RRBP1: variants seen among roughly 807,000 people sequenced by gnomAD.
RRBP1 encodes ribosome-binding protein 1.
In RRBP1, 94 loss-of-function variants were observed where a neutral mutation model predicts 165.2. The ratio of observed to expected loss-of-function variants is 0.57; its 90% CI spans 0.48 to 0.68. The LOEUF is 0.68. Ranked by LOEUF, RRBP1 falls within the 30% of genes least tolerant of loss-of-function variation. The pLI is 0.00. For synonymous variants in RRBP1, 680 were observed against 714.5 expected, an observed-to-expected ratio of 0.95 and a Z score of 0.77; for missense variants, 1,676 against 1,763.0, an observed-to-expected ratio of 0.95 and a Z score of 0.88.
At chr20:17,615,382 C>G in intron 23 of RRBP1, 49 bp downstream of exon 23, 2 of 1,468,006 alleles carry the variant, frequency 1.4e-6, no homozygotes, top group Non-Finnish European at 1.9e-6. Context: ...GTGGCGCCAG[C>G]CCCAGAGCAG....
At position 17,637,293 on chromosome 20, in the gene RRBP1, C is replaced by T. The variant is rs1035334448; in HGVS notation, c.2185-564G>A. Reference sequence around the variant, plus strand: ...TCAGTGCCAGATACCCACAGGTGAACATGGATGCCGAGTCTGGGGGGTCCG... The same window carrying T: ...TCAGTGCCAGATACCCACAGGTGAATATGGATGCCGAGTCTGGGGGGTCCG... On this transcript the variant is annotated intron_variant, in intron 5 of 24. Transcript: ENST00000377813. 8.5e-5 allele frequency among the ~76,000 whole-genome samples: 13 copies of T among 152,300 alleles called. No individual in the cohort carries two copies. The East Asian group carries it at 2.5e-3, about 29-fold the overall frequency.
rs201436985 is a variant in RRBP1 at position 17,621,862 on chromosome 20, G to A, written c.3233C>T (p.Ala1078Val). The change falls in exon 14 of 25, where the codon GCA becomes GTA. Residue 1078 changes from alanine (A) to valine (V), a missense_variant. Ala to Val is a moderately conservative substitution (Grantham distance 64). Coordinates refer to ENST00000377813, the MANE Select transcript of RRBP1 (RefSeq NM_001365613.2). ...ACCACCCTCCCCTCCTACCTGTTGT[G>A]CCAAGACAGAGAGTTCTGGGAGCAG... ...LALLPELSVLAQQNYTEWLQD... is the reference protein window; with the variant it reads ...LALLPELSVLVQQNYTEWLQD... The A allele has an allele frequency of 4.3e-6, 7 of 1,613,772 alleles. No homozygotes were observed. In the East Asian group the frequency reaches 1.3e-4, roughly 31 times the overall value.
intron 18 of RRBP1, among the ~76,000 whole-genome samples, chr20:17,619,996 C>T (rs918221333): frequency 6.6e-6 from 1 of 152,186 alleles, no homozygotes; most frequent in African/African-American, 2.4e-5. Context: ...TCCAGGGCTC[C>T]CTGTGGCGTC....
intron 4 of RRBP1, 53 bp from the exon 5 acceptor site, chr20:17,641,972 T>C: frequency 2.5e-6 from 4 of 1,579,230 alleles, no homozygotes; most frequent in Non-Finnish European, 2.6e-6. Flanking sequence ...ACTTGGCTCA[T>C]CCCCTGACCC....
At chr20:17,661,901 T>G (rs890540611) in intron 2 of RRBP1, among the ~76,000 whole-genome samples, 3 of 152,102 alleles carry the variant, frequency 2.0e-5, no homozygotes, top group African/African-American at 7.2e-5. Context: ...AATTTTGACA[T>G]GAGGGCATTT....
intron 3 of RRBP1, among the ~76,000 whole-genome samples, chr20:17,644,750 G>C (rs2036432685): frequency 6.6e-6 from 1 of 152,150 alleles, no homozygotes; most frequent in African/African-American, 2.4e-5. Flanking sequence ...CTCGAGATGT[G>C]CTATGAGTGG....
chr20:17,619,925 A>G (rs2035876179), intron 18 of RRBP1, 197 bp from the exon 19 acceptor site: 2 of 549,504 alleles, frequency 3.6e-6, no homozygotes, highest in Non-Finnish European at 6.4e-6. Flanking sequence ...GCACCCGGGC[A>G]CTCCTGGGGA....
chr20:17,628,576 TCA>T (rs1296909038), intron 9 of RRBP1, among the ~76,000 whole-genome samples: 3 of 152,120 alleles, frequency 2.0e-5, no homozygotes, highest in Admixed American at 1.3e-4. Context: ...AGCACTTCTG[TCA>T]CACCTTCCAC....
At position 17,660,166 on chromosome 20, in the gene RRBP1, G is replaced by A. The variant is rs1373948007; in HGVS notation, c.342C>T (p.Pro114=). ...AVAVAPTPVQ[P]PIIVAPVATV... is the part of the protein sequence containing the mutation. ...TGGCGACAGGAGCAACGATAATGGGGGGCTGCACTGGGGTTGGAGCCACAG... is the reference window on the plus strand; with the variant it reads ...TGGCGACAGGAGCAACGATAATGGGAGGCTGCACTGGGGTTGGAGCCACAG... Residue 114 remains proline, a synonymous_variant, in exon 3 of 25, where the codon CCC becomes CCT. Coordinates refer to ENST00000377813, the MANE Select transcript of RRBP1 (RefSeq NM_001365613.2). 1 of 1,614,076 alleles carries A rather than the reference G, an allele frequency of 6.2e-7. No individual in the cohort carries two copies. The highest frequency in any genetic ancestry group is 8.5e-7 in the Non-Finnish European group (1 of 1,180,000).
At chr20:17,619,755 G>T (rs755891332) in intron 18 of RRBP1, 27 bp from the exon 19 acceptor site, 2 of 1,519,248 alleles carry the variant, frequency 1.3e-6, no homozygotes, top group South Asian at 2.4e-5. Flanking sequence ...ACACGCACAC[G>T]CATGCGCCAG....
rs147086464 is a variant in RRBP1, at chr20:17,643,084, C to T, written c.1956G>A (p.Thr652=). 80 of 1,614,092 alleles carry T rather than the reference C, an allele frequency of 5.0e-5. 3 individuals are homozygous for T. The African/African-American group carries it at 5.3e-4, about 11-fold the overall frequency. The change falls in exon 4 of 25, where the codon ACG becomes ACA. Residue 652 remains threonine, a synonymous_variant. Transcript: ENST00000377813. This position sits in a 1 kb window ranked among gnomAD's most constrained non-coding sequence, Gnocchi z 4.3. ...CCATGCTCCCAACCGTGGAGACCAGCGTCTTGTAGGGGAGGTAGAGAGGGC... is the reference window on the plus strand; with the variant it reads ...CCATGCTCCCAACCGTGGAGACCAGTGTCTTGTAGGGGAGGTAGAGAGGGC... ...ADGPLYLPYK[T]LVSTVGSMVF... is the part of the protein sequence containing the mutation.
chr20:17,629,501 G>T (rs1600736564), intron 9 of RRBP1, among the ~76,000 whole-genome samples: 1 of 152,120 alleles, frequency 6.6e-6, no homozygotes, highest in Non-Finnish European at 1.5e-5. Context: ...GGGAAGCAGT[G>T]CCTTCCACCC....
chr20:17,641,279 G>A (rs1029685069), intron 5 of RRBP1, among the ~76,000 whole-genome samples: 2 of 152,174 alleles, frequency 1.3e-5, no homozygotes, highest in Admixed American at 6.5e-5. Flanking sequence ...TACGTGCCAC[G>A]CCATCCGCTG....
intron 5 of RRBP1, among the ~76,000 whole-genome samples, chr20:17,639,741 CAATT>C (rs952614386): frequency 1.3e-5 from 2 of 152,004 alleles, no homozygotes; most frequent in African/African-American, 4.8e-5. Context: ...TAAAAATACA[CAATT>C]AGCCGGGTAT....
chr20:17,655,332 A>G (rs1425530022), intron 3 of RRBP1, among the ~76,000 whole-genome samples: 3 of 152,220 alleles, frequency 2.0e-5, no homozygotes, highest in African/African-American at 7.2e-5. Flanking sequence ...TGACTTTTGA[A>G]GAGAAAACTA....
At chr20:17,641,444 C>G (rs1171333093) in intron 5 of RRBP1, 2 of 277,970 alleles carry the variant, frequency 7.2e-6, no homozygotes, top group Non-Finnish European at 1.4e-5. Flanking sequence ...CAGGCACAGC[C>G]CCTAGAAAGC....
Position 17,625,413 on chromosome 20 carries a change from T to TC in RRBP1, c.3054+98dup, listed in dbSNP as rs1600731356. 38 of 1,017,002 alleles carry TC rather than the reference T, an allele frequency of 3.7e-5. No individual in the cohort carries two copies. In the East Asian group the frequency reaches 8.7e-4, roughly 23 times the overall value. The allele number at this position is 1,017,002 out of a possible 1,614,324, so 63.0% of individuals were successfully genotyped here. ...GGGTGTAGAAACACAAGCTCAGCCC[T>TC]CCCCCGAGTCCAGGGCGGGTGCCAC... On this transcript the variant is annotated intron_variant, in intron 12 of 24. Transcript: ENST00000377813.
chr20:17,625,547 T>G lies in RRBP1; in HGVS notation c.3019A>C (p.Arg1007=). ...ACTTTCTGCTGCTCGACGGCCTCCC[T>G]GAGCTCGATGGCCTCCTTCTCCAGA... ...SGLEKEAIEL[R]EAVEQQKVKN... The change falls in exon 12 of 25, where the codon AGG becomes CGG. Residue 1007 remains arginine (R), a synonymous_variant. Transcript: ENST00000377813. The G allele has an allele frequency of 1.2e-5, 20 of 1,613,912 alleles. 1 individual carries two copies. Among genetic ancestry groups the G allele is most frequent in the Non-Finnish European group, 1.7e-5 (20 of 1,179,922 alleles).
At chr20:17,650,732 C>A (rs2036541107) in intron 3 of RRBP1, among the ~76,000 whole-genome samples, 1 of 152,206 alleles carries the variant, frequency 6.6e-6, no homozygotes, top group African/African-American at 2.4e-5. Flanking sequence ...TCAGTCTACG[C>A]CCACACTGTA....
Sources: gnomAD v4.1 joint callset for allele counts (sites outside exome capture counted in the v4.1 genomes callset) on GRCh38, gnomAD v4.1.1 for gene constraint, Gnocchi (gnomAD v3.1) non-coding constraint, MANE v1.5 for transcripts, NCBI Gene and HGNC (gene_info 2026-07-23, HGNC 2026-07-21) for gene names.